DNAH8: variants seen among roughly 807,000 people sequenced by gnomAD.
DNAH8 encodes dynein axonemal heavy chain 8.
Under a neutral mutation model 562.1 loss-of-function variants are expected in DNAH8, and 382 were observed. That is an observed-to-expected ratio of 0.68 (90% CI 0.63 to 0.74). The LOEUF (loss-of-function observed/expected upper bound fraction) is 0.74. Ranked by LOEUF, DNAH8 falls within the 30% of genes least tolerant of loss-of-function variation. The probability of loss-of-function intolerance (pLI) is 0.00; values close to 1 mark genes in which losing one functional copy is unlikely to be tolerated. For missense variants in DNAH8, 5,203 were observed against 5,620.4 expected (o/e 0.93, Z 2.37); for synonymous variants, 1,881 against 1,919.4 (o/e 0.98, Z 0.52).
intron 4 of DNAH8, among the ~76,000 whole-genome samples, chr6:38,730,999 A>G (rs1462613008): frequency 6.6e-6 from 1 of 152,102 alleles, no homozygotes; most frequent in Non-Finnish European, 1.5e-5. Flanking sequence ...TCCCTATCTC[A>G]TTTACAGTAT....
Position 38,755,650 on chromosome 6 carries a change from A to G in DNAH8, c.1408-322A>G, listed in dbSNP as rs4714178. Among the ~76,000 whole-genome samples, 12,559 of 152,196 alleles carry G rather than the reference A, an allele frequency of 0.083. 1,072 individuals carry two copies. Among genetic ancestry groups the G allele is most frequent in the East Asian group, 0.45 (2,306 of 5,154 alleles). ...AGCAGAATGAACTATTAACCTTAAA[A>G]TGGCTCTCACCTCTAAAATTTAATT... On this transcript the variant is annotated intron_variant, in intron 9 of 92. Transcript: ENST00000327475.
At chr6:38,747,340 G>T (rs539775972) in intron 8 of DNAH8, among the ~76,000 whole-genome samples, 1 of 151,184 alleles carries the variant, frequency 6.6e-6, no homozygotes, top group South Asian at 2.1e-4. Context: ...CAAATGGCTG[G>T]CTAATTTTCT....
Position 38,924,278 on chromosome 6 carries a change from T to C in DNAH8, c.10962+116T>C, listed in dbSNP as rs141642654. 4.7e-3 allele frequency: 4,565 copies of C among 968,560 alleles called. 71 individuals carry two copies. The highest frequency in any genetic ancestry group is 0.038 in the African/African-American group (2,354 of 61,208). The allele number at this position is 968,560 out of a possible 1,614,324, so 60.0% of individuals were successfully genotyped here. On this transcript the variant is annotated intron_variant, in intron 73 of 92. Transcript: ENST00000327475. ...CTGTAATCCCAGCACTTTGGGAGGC[T>C]GAGGAGGGCAGATCATGAGGTCAGG...
intron 7 of DNAH8, among the ~76,000 whole-genome samples, chr6:38,741,228 A>G (rs1764493932): frequency 6.6e-6 from 1 of 152,080 alleles, no homozygotes. Context: ...ACATAGTGAC[A>G]TGCTATCTCT....
Position 38,798,026 on chromosome 6 carries a change from C to T in DNAH8, c.2902-5153C>T, listed in dbSNP as rs764694251. ...CTGGGAGGCGGAGGTTGCAGTGAGCCGAGACCGTGTCCACTCCAGCCTGGG... is the reference window on the plus strand; with the variant it reads ...CTGGGAGGCGGAGGTTGCAGTGAGCTGAGACCGTGTCCACTCCAGCCTGGG... On this transcript the variant is annotated intron_variant, in intron 21 of 92. Transcript: ENST00000327475. Among the ~76,000 whole-genome samples, 149 of 151,424 alleles carry T rather than the reference C, an allele frequency of 9.8e-4. 1 individual carries two copies. The highest frequency in any genetic ancestry group is 3.2e-4 in the Non-Finnish European group (22 of 67,828).
chr6:38,973,697 C>T lies in DNAH8; in HGVS notation c.12562C>T (p.Leu4188=), dbSNP rs1583484448. 4 of 1,605,716 alleles carry T rather than the reference C, an allele frequency of 2.5e-6. No homozygotes were observed. The highest frequency in any genetic ancestry group is 3.4e-6 in the Non-Finnish European group (4 of 1,177,104). Residue 4188 remains leucine (L), a synonymous_variant, in exon 84 of 93, where the codon CTG becomes TTG. Coordinates refer to ENST00000327475, the MANE Select transcript of DNAH8 (RefSeq NM_001206927.2). Reference sequence around the variant, plus strand: ...ATTACTACAAAATTGCCACCTTGGCCTGGAATTCATGGAAGAATTACTAGA... The same window carrying T: ...ATTACTACAAAATTGCCACCTTGGCTTGGAATTCATGGAAGAATTACTAGA... ...WVLLQNCHLG[L]EFMEELLETL...
rs765621822 is a variant in DNAH8, at chr6:38,883,400, G to A, written c.8080G>A (p.Val2694Ile). 6.2e-7 allele frequency: 1 copy of A among 1,612,944 alleles called. No homozygotes were observed. Among genetic ancestry groups the A allele is most frequent in the African/African-American group, 1.3e-5 (1 of 74,874 alleles). Reference sequence around the variant, plus strand: ...CTATTTGAAAAAATATGATCCTGAAGTACAGCTATCCAAAAGTCTAAACTT... The same window carrying A: ...CTATTTGAAAAAATATGATCCTGAAATACAGCTATCCAAAAGTCTAAACTT... The part of the protein sequence containing the change: ...KAYLKKYDPE[V>I]QLSKSLNFSS... Residue 2694 changes from valine to isoleucine, a missense_variant, in exon 55 of 93, where the codon GTA becomes ATA. By Grantham distance (29) the Val-to-Ile change is conservative. Coordinates refer to ENST00000327475, the MANE Select transcript of DNAH8 (RefSeq NM_001206927.2).
chr6:38,816,061 TG>T (rs1772238992), intron 26 of DNAH8, among the ~76,000 whole-genome samples: 1 of 139,644 alleles, frequency 7.2e-6, no homozygotes, highest in Admixed American at 7.5e-5. Flanking sequence ...TATTTTATTT[TG>T]TTTTATTTTA....
chr6:38,764,538 G>A (rs1562698994), intron 11 of DNAH8: 1 of 152,218 alleles, frequency 6.6e-6, no homozygotes, highest in Non-Finnish European at 1.5e-5. Flanking sequence ...CATGAAGTAG[G>A]CCTCCTTCAG....
intron 10 of DNAH8, 89 bp downstream of exon 10, chr6:38,756,168 C>A: frequency 1.2e-6 from 1 of 803,396 alleles, no homozygotes. Flanking sequence ...AATTTGGAAG[C>A]CTAAGTGCCT....
chr6:38,788,339 A>T (rs1318661649), intron 18 of DNAH8, among the ~76,000 whole-genome samples: 2 of 152,014 alleles, frequency 1.3e-5, no homozygotes, highest in Non-Finnish European at 2.9e-5. Context: ...TTTAGTAGAG[A>T]CGGGGTTTCA....
Position 38,815,595 on chromosome 6 carries a change from C to T in DNAH8, c.3461C>T (p.Pro1154Leu), listed in dbSNP as rs1772184496. 1 of 1,613,846 alleles carries T rather than the reference C, an allele frequency of 6.2e-7. No individual in the cohort carries two copies. Among genetic ancestry groups the T allele is most frequent in the Non-Finnish European group, 8.5e-7 (1 of 1,179,938 alleles). Residue 1154 changes from proline (P) to leucine (L), a missense_variant, in exon 26 of 93, where the codon CCC becomes CTC. Coordinates refer to ENST00000327475, the MANE Select transcript of DNAH8 (RefSeq NM_001206927.2). ...QQIRPIKSVI[P>L]SPTTTDVTHQ... ...ATCCGTCCCATCAAGTCTGTCATTC[C>T]CAGCCCCACCACTACTGACGTGACC... is the stretch of plus-strand genomic sequence containing the variant.
At chr6:39,028,885 C>T (rs1222122529) in intron 92 of DNAH8, among the ~76,000 whole-genome samples, 5 of 152,318 alleles carry the variant, frequency 3.3e-5, no homozygotes, top group Admixed American at 2.6e-4. Flanking sequence ...AAAACACAGT[C>T]CTCACACGGT....
chr6:38,769,497 T>G (rs1449560451), intron 11 of DNAH8, among the ~76,000 whole-genome samples: 1 of 148,890 alleles, frequency 6.7e-6, no homozygotes, highest in Non-Finnish European at 1.5e-5. Flanking sequence ...CAGATCTGAA[T>G]ATTTATAGGA....
intron 13 of DNAH8, among the ~76,000 whole-genome samples, chr6:38,778,091 A>G (rs1293251456): frequency 6.6e-6 from 1 of 152,222 alleles, no homozygotes; most frequent in Non-Finnish European, 1.5e-5. Context: ...TAATGTCATT[A>G]ATATGAAATC....
At chr6:39,020,663 T>C (rs949617911) in intron 91 of DNAH8, among the ~76,000 whole-genome samples, 1 of 152,182 alleles carries the variant, frequency 6.6e-6, no homozygotes, top group Non-Finnish European at 1.5e-5. Flanking sequence ...GTCTTAATGC[T>C]CTCCTTCCCC....
At chr6:38,847,253 A>G (rs149666769) in intron 36 of DNAH8, among the ~76,000 whole-genome samples, 65 of 152,168 alleles carry the variant, frequency 4.3e-4, no homozygotes, top group African/African-American at 1.5e-3. Context: ...GAAACTAGCT[A>G]TGCTCGATTT....
At chr6:38,753,547 G>A (rs1216976839) in intron 9 of DNAH8, among the ~76,000 whole-genome samples, 1 of 152,090 alleles carries the variant, frequency 6.6e-6, no homozygotes, top group Admixed American at 6.5e-5. Flanking sequence ...CTAATGATGG[G>A]AGTAGGTGGT....
intron 62 of DNAH8, among the ~76,000 whole-genome samples, chr6:38,902,263 C>T (rs1288413782): frequency 4.6e-5 from 7 of 152,142 alleles, no homozygotes; most frequent in African/African-American, 1.7e-4. Flanking sequence ...CAAACAGCTC[C>T]TCCAGGAGAG....
Sources: gnomAD v4.1 joint callset for allele counts (sites outside exome capture counted in the v4.1 genomes callset) on GRCh38, gnomAD v4.1.1 for gene constraint, MANE v1.5 for transcripts, NCBI Gene and HGNC (gene_info 2026-07-23, HGNC 2026-07-21) for gene names.